TATDN2: variants seen among roughly 807,000 people sequenced by gnomAD.
The protein encoded by TATDN2 is 3'-5' RNA nuclease TATDN2.
In TATDN2, 44 loss-of-function variants were observed where a neutral mutation model predicts 60.3. The observed-to-expected ratio is 0.73, with a 90% CI of 0.57 to 0.94. TATDN2 has a LOEUF of 0.94. TATDN2 is among the 40% of genes least tolerant of loss of function. TATDN2 has a pLI of 0.00. For synonymous variants in TATDN2, 399 were observed against 355.8 expected, an observed-to-expected ratio of 1.12 and a Z score of -1.37; for missense variants, 997 against 948.0, an observed-to-expected ratio of 1.05 and a Z score of -0.68.
chr3:10,270,335 T>A lies in TATDN2; in HGVS notation c.1153T>A (p.Tyr385Asn). The A allele has an allele frequency of 6.2e-7, 1 of 1,614,164 alleles. No homozygotes were observed. Among genetic ancestry groups the A allele is most frequent in the Non-Finnish European group, 8.5e-7 (1 of 1,180,026 alleles). ...YSSPWCDYAS[Y>N]WTSSPKPSSY... The stretch of plus-strand genomic sequence containing the variant: ...TAGTCCTTGGTGTGACTACGCCAGC[T>A]ATTGGACCAGCAGCCCCAAGCCTTC... Residue 385 changes from tyrosine (Y) to asparagine (N), a missense_variant, in exon 4 of 8, where the codon TAT becomes AAT. Transcript: ENST00000448281.
Position 10,278,576 on chromosome 3 carries a change from T to C in TATDN2, c.2145+114T>C, listed in dbSNP as rs1698672312. ...CCCCAGTGACTTCCAGGTCCCATCC[T>C]GGGCTGTGTAGATGCCTCCTTGCTG... On this transcript the variant is annotated intron_variant, in intron 6 of 7. Coordinates refer to ENST00000448281, the MANE Select transcript of TATDN2 (RefSeq NM_014760.4). This position sits in a 1 kb window ranked among gnomAD's most constrained non-coding sequence, Gnocchi z 4.7. The C allele has an allele frequency of 3.5e-6, 5 of 1,433,158 alleles. No individual in the cohort carries two copies. Among genetic ancestry groups the C allele is most frequent in the Middle Eastern group, 1.7e-4 (1 of 5,720 alleles). 88.8% of individuals were successfully genotyped at this position (1,433,158 alleles called of 1,614,324 possible).
Position 10,260,603 on chromosome 3 carries a change from T to C in TATDN2, c.881T>C (p.Val294Ala). 6.2e-7 allele frequency: 1 copy of C among 1,614,182 alleles called. No individual in the cohort carries two copies. The highest frequency in any genetic ancestry group is 1.1e-5 in the South Asian group (1 of 91,084). The change falls in exon 3 of 8, where the codon GTC becomes GCC. Residue 294 changes from valine (V) to alanine (A), a missense_variant. Coordinates refer to ENST00000448281, the MANE Select transcript of TATDN2 (RefSeq NM_014760.4). ...SEEPLGDRRT[V>A]IDKCSPPLEF... ...GAGCCCCTTGGGGACCGAAGGACTG[T>C]CATTGACAAATGCTCTCCACCCCTA...
chr3:10,260,378 G>C lies in TATDN2; in HGVS notation c.656G>C (p.Ser219Thr), dbSNP rs1432887294. The change falls in exon 3 of 8, where the codon AGC becomes ACC. Residue 219 changes from serine to threonine, a missense_variant. Transcript: ENST00000448281. ...RAKPSAAEHP[S>T]HGEGPARSEG... ...AAACCAAGCGCAGCAGAGCATCCCA[G>C]CCATGGAGAAGGACCAGCCAGGAGT... 2 of 1,614,188 alleles carry C rather than the reference G, an allele frequency of 1.2e-6. No individual in the cohort carries two copies. The highest frequency in any genetic ancestry group is 1.7e-6 in the Non-Finnish European group (2 of 1,180,018).
chr3:10,275,754 A>G (rs1370172346), intron 4 of TATDN2, among the ~76,000 whole-genome samples: 1 of 798 alleles, frequency 1.3e-3, no homozygotes, highest in East Asian at 0.1. Flanking sequence ...TCAAAAAAAC[A>G]AAACAAAACA....
At chr3:10,250,032 G>C (rs1046969983) in intron 2 of TATDN2, among the ~76,000 whole-genome samples, 1 of 152,130 alleles carries the variant, frequency 6.6e-6, no homozygotes, top group Non-Finnish European at 1.5e-5. Flanking sequence ...ATTTATTTTA[G>C]TTGTCAGTTT....
Position 10,278,539 on chromosome 3 carries a change from G to A in TATDN2, c.2145+77G>A, listed in dbSNP as rs181428613. The A allele has an allele frequency of 5.2e-5, 82 of 1,580,570 alleles. No individual in the cohort carries two copies. The East Asian group carries it at 1.6e-3, about 32-fold the overall frequency. On this transcript the variant is annotated intron_variant, in intron 6 of 7. Coordinates refer to ENST00000448281, the MANE Select transcript of TATDN2 (RefSeq NM_014760.4). The surrounding 1 kb of genome is among the most constrained non-coding windows in gnomAD (Gnocchi z 4.7). ...GTGGGTGGTCACCCTTACAAGGTTG[G>A]CAGGGCCAGAGCCCCAGTGACTTCC...
chr3:10,271,951 G>A (rs1698572304), intron 4 of TATDN2, among the ~76,000 whole-genome samples: 1 of 151,044 alleles, frequency 6.6e-6, no homozygotes, highest in Admixed American at 6.6e-5. Flanking sequence ...CTAGTCTCGA[G>A]CTCCTGACCT....
intron 4 of TATDN2, among the ~76,000 whole-genome samples, chr3:10,271,680 C>T (rs1698567979): frequency 6.6e-6 from 1 of 152,020 alleles, no homozygotes. Context: ...CCCATTCAAC[C>T]AGAGATCATG....
At position 10,257,294 on chromosome 3, in the gene TATDN2, T is replaced by TTATATATATATATATATATATATATA. The variant is rs3072531; in HGVS notation, c.415-2824_415-2823insATATATATATATATATATATATATAT. ...AGTGAGATTTTGCCTCAAAAAAAAA[T>TTATATATATATATATATATATATATA]TATATATATATATATATATGAATTC... On this transcript the variant is annotated intron_variant, in intron 2 of 7. Transcript: ENST00000448281. 3.7e-3 allele frequency among the ~76,000 whole-genome samples: 496 copies of TTATATATATATATATATATATATATA among 133,254 alleles called. 2 individuals carry two copies. The highest frequency in any genetic ancestry group is 0.013 in the South Asian group (52 of 3,946). The allele number at this position is 133,254 out of a possible 152,430, so 87.4% of individuals were successfully genotyped here.
At position 10,249,150 on chromosome 3, in the gene TATDN2, G is replaced by A. The variant is rs770028190; in HGVS notation, c.-6-45G>A. ...GGTGGCGGGAATCTGAGGTGGGGTCGCCAGGAAGGGTGGTGTTGGAATCCA... is the reference window on the plus strand; with the variant it reads ...GGTGGCGGGAATCTGAGGTGGGGTCACCAGGAAGGGTGGTGTTGGAATCCA... On this transcript the variant is annotated intron_variant, in intron 1 of 7. Transcript: ENST00000448281. The A allele has an allele frequency of 3.4e-6, 5 of 1,477,292 alleles. No individual in the cohort carries two copies. In the East Asian group the frequency reaches 1.2e-4, roughly 37 times the overall value. The allele number at this position is 1,477,292 out of a possible 1,614,324, so 91.5% of individuals were successfully genotyped here. A position where few individuals can be genotyped will look rare whatever the true frequency, so the allele number is the denominator to read the frequency against.
At position 10,253,360 on chromosome 3, in the gene TATDN2, TA is replaced by T. The variant is rs146608018; in HGVS notation, c.414+3748del. Among the ~76,000 whole-genome samples the T allele has an allele frequency of 3.1e-3, 473 of 152,334 alleles. 15 individuals carry two copies. In the South Asian group the frequency reaches 0.057, roughly 18 times the overall value. On this transcript the variant is annotated intron_variant, in intron 2 of 7. Coordinates refer to ENST00000448281, the MANE Select transcript of TATDN2 (RefSeq NM_014760.4). The stretch of plus-strand genomic sequence containing the variant: ...TTTGTTCCCTTCTCCCACCAGCCTT[TA>T]ACACATCTTTCTCTGTGCCAGGTCA...
intron 3 of TATDN2, among the ~76,000 whole-genome samples, chr3:10,261,120 G>A (rs1253704030): frequency 6.6e-6 from 1 of 152,244 alleles, no homozygotes; most frequent in Non-Finnish European, 1.5e-5. Context: ...GGGAAGGGGA[G>A]AAGAGGAGAG....
intron 2 of TATDN2, among the ~76,000 whole-genome samples, chr3:10,250,907 T>C (rs1369356271): frequency 6.6e-6 from 1 of 152,210 alleles, no homozygotes; most frequent in East Asian, 1.9e-4. Context: ...TTAGCTTCAC[T>C]GACAATTTGT....
intron 2 of TATDN2, among the ~76,000 whole-genome samples, chr3:10,253,335 T>G (rs1698258363): frequency 1.3e-5 from 2 of 152,170 alleles, no homozygotes; most frequent in South Asian, 4.1e-4. Flanking sequence ...CACAGTTGAC[T>G]TTGTTCCCTT....
chr3:10,252,997 C>T (rs1163535466), intron 2 of TATDN2, among the ~76,000 whole-genome samples: 1 of 152,026 alleles, frequency 6.6e-6, no homozygotes, highest in Non-Finnish European at 1.5e-5. Context: ...GCTGGGACTA[C>T]AGGTGCACGC....
rs1698176187 is a variant in TATDN2, at chr3:10,248,950, G to A, written c.-124G>A. ...CTTCCTGATCTCAGAAGCACGTTGT[G>A]GGCTTGGAAACCGACGGCAGCCTTT... On this transcript the variant is annotated 5_prime_UTR_variant, in exon 1 of 8. Coordinates refer to ENST00000448281, the MANE Select transcript of TATDN2 (RefSeq NM_014760.4). 2.4e-6 allele frequency: 1 copy of A among 414,160 alleles called. No homozygotes were observed. The allele number at this position is 414,160 out of a possible 1,614,324, so 25.7% of individuals were successfully genotyped here. A position where few individuals can be genotyped will look rare whatever the true frequency, so the allele number is the denominator to read the frequency against.
At chr3:10,258,490 G>A (rs1476781227) in intron 2 of TATDN2, among the ~76,000 whole-genome samples, 1 of 148,060 alleles carries the variant, frequency 6.8e-6, no homozygotes, top group Non-Finnish European at 1.5e-5. Context: ...TTTTTTTTGA[G>A]ACAGAGTTTT....
At chr3:10,260,784 A>G (rs1381858685) in intron 3 of TATDN2, 114 bp downstream of exon 3, 9 of 1,261,756 alleles carry the variant, frequency 7.1e-6, no homozygotes, top group Non-Finnish European at 9.7e-6. Flanking sequence ...TTACTTAACC[A>G]GGCCTCCAGG....
chr3:10,256,190 G>A (rs550377538), intron 2 of TATDN2, among the ~76,000 whole-genome samples: 47 of 151,582 alleles, frequency 3.1e-4, no homozygotes, highest in African/African-American at 9.4e-4. Flanking sequence ...TTGAGACAGC[G>A]TCTCCAAAAG....
Sources: allele counts gnomAD v4.1 joint callset (sites outside exome capture counted in the v4.1 genomes callset), GRCh38; gene constraint gnomAD v4.1.1; non-coding constraint Gnocchi (gnomAD v3.1); transcripts MANE v1.5; gene names NCBI Gene and HGNC (gene_info 2026-07-23, HGNC 2026-07-21).